The following TIAM1 variants were observed in gnomAD, a reference collection of about 807,000 sequenced individuals.
The protein encoded by TIAM1 is TIAM Rac1 associated GEF 1, also known as rho guanine nucleotide exchange factor TIAM1.
Under a neutral mutation model 163.5 loss-of-function variants are expected in TIAM1, and 65 were observed. The observed-to-expected ratio is 0.40, with a 90% CI of 0.33 to 0.49. The LOEUF is 0.49. Among genes scored for constraint, TIAM1 ranks in the 20% least tolerant of loss-of-function variants. TIAM1 has a pLI of 0.77. For missense variants in TIAM1, 1,789 were observed against 2,044.7 expected (o/e 0.87, Z 2.41); for synonymous variants, 833 against 810.1 (o/e 1.03, Z -0.48).
intron 6 of TIAM1, among the ~76,000 whole-genome samples, chr21:31,228,420 C>A (rs535407290): frequency 6.6e-5 from 10 of 151,926 alleles, no homozygotes; most frequent in African/African-American, 2.2e-4. Context: ...TATATGCATA[C>A]CCTGTGACCC....
chr21:31,407,834 C>T (rs1192953585), intron 2 of TIAM1, among the ~76,000 whole-genome samples: 7 of 151,938 alleles, frequency 4.6e-5, no homozygotes, highest in African/African-American at 1.5e-4. Context: ...GACGGGGTTT[C>T]ACCATGTTGG....
intron 6 of TIAM1, among the ~76,000 whole-genome samples, chr21:31,228,819 G>C (rs2088217963): frequency 6.6e-6 from 1 of 152,206 alleles, no homozygotes; most frequent in Non-Finnish European, 1.5e-5. Flanking sequence ...CAGCATGGCT[G>C]AGGAGGCCTC....
At chr21:31,198,345 C>A (rs2085995862) in intron 12 of TIAM1, among the ~76,000 whole-genome samples, 1 of 152,136 alleles carries the variant, frequency 6.6e-6, no homozygotes, top group South Asian at 2.1e-4. Flanking sequence ...GGGATAGGAA[C>A]GTGGACAGGA....
intron 2 of TIAM1, among the ~76,000 whole-genome samples, chr21:31,418,341 C>CAAAAAAA (rs71193114): frequency 2.9e-5 from 1 of 34,742 alleles, no homozygotes. Context: ...GACTCTGTCT[C>CAAAAAAA]AAAAAAAAAA....
At chr21:31,402,538 C>T (rs978548260) in intron 2 of TIAM1, among the ~76,000 whole-genome samples, 51 of 152,278 alleles carry the variant, frequency 3.3e-4, no homozygotes, top group African/African-American at 1.2e-3. Context: ...TCCCATATCC[C>T]TTCAGTAACA....
chr21:31,465,248 A>G (rs1470609999), intron 1 of TIAM1, among the ~76,000 whole-genome samples: 1 of 151,756 alleles, frequency 6.6e-6, no homozygotes, highest in Non-Finnish European at 1.5e-5. Context: ...TTCTTATTTT[A>G]TTTTATTATT....
intron 5 of TIAM1, 136 bp downstream of exon 5, chr21:31,251,602 GATAA>G: frequency 1.1e-6 from 1 of 892,036 alleles, no homozygotes; most frequent in Non-Finnish European, 1.7e-6. Flanking sequence ...CTCTTACTAT[GATAA>G]ATGTTTTAAA....
intron 5 of TIAM1, among the ~76,000 whole-genome samples, chr21:31,250,604 A>G (rs1018373513): frequency 6.6e-6 from 1 of 152,220 alleles, no homozygotes; most frequent in African/African-American, 2.4e-5. Flanking sequence ...CGAACGGTCT[A>G]GTTTGATACT....
intron 6 of TIAM1, among the ~76,000 whole-genome samples, chr21:31,228,265 GA>G (rs1297409869): frequency 1.0e-3 from 47 of 44,956 alleles, no homozygotes; most frequent in African/African-American, 1.9e-3. Context: ...AAAAAGGAAG[GA>G]AAAAAAGAAT....
intron 8 of TIAM1, among the ~76,000 whole-genome samples, chr21:31,218,080 T>A (rs1032222817): frequency 6.6e-6 from 1 of 152,180 alleles, no homozygotes; most frequent in Non-Finnish European, 1.5e-5. Flanking sequence ...TGCATTCTAT[T>A]GAAAAATGGT....
chr21:31,430,226 ATAT>A (rs1226502355), intron 2 of TIAM1, among the ~76,000 whole-genome samples: 134 of 68,202 alleles, frequency 2.0e-3, no homozygotes, highest in African/African-American at 7.9e-3. Flanking sequence ...AAAAAAAAAA[ATAT>A]ATATATATAT....
At chr21:31,534,902 C>T (rs933722553) in intron 1 of TIAM1, among the ~76,000 whole-genome samples, 3 of 152,060 alleles carry the variant, frequency 2.0e-5, no homozygotes, top group Non-Finnish European at 2.9e-5. Flanking sequence ...CCCAGGAGTT[C>T]GAGAACAGCT....
intron 2 of TIAM1, among the ~76,000 whole-genome samples, chr21:31,365,185 G>T (rs1027999417): frequency 1.3e-5 from 2 of 152,008 alleles, no homozygotes; most frequent in South Asian, 2.1e-4. Context: ...AGTCACTCAG[G>T]ATAGTGATCA....
chr21:31,239,514 T>C (rs143549359), intron 6 of TIAM1, among the ~76,000 whole-genome samples: 143 of 152,256 alleles, frequency 9.4e-4, no homozygotes, highest in African/African-American at 3.3e-3. Flanking sequence ...CTCAAAGCAT[T>C]ACCCATTAAG....
At chr21:31,372,607 G>A (rs898745009) in intron 2 of TIAM1, among the ~76,000 whole-genome samples, 4 of 152,212 alleles carry the variant, frequency 2.6e-5, no homozygotes, top group South Asian at 4.1e-4. Flanking sequence ...AGGGGCAGGC[G>A]AGGGTAGGGG....
chr21:31,145,977 G>T (rs976258029), intron 20 of TIAM1, among the ~76,000 whole-genome samples: 1 of 152,158 alleles, frequency 6.6e-6, no homozygotes, highest in Non-Finnish European at 1.5e-5. Context: ...TGTCGACAAC[G>T]TGAAGTGAGG....
At chr21:31,205,922 T>TA (rs1286826323) in intron 11 of TIAM1, among the ~76,000 whole-genome samples, 1 of 152,106 alleles carries the variant, frequency 6.6e-6, no homozygotes, top group Non-Finnish European at 1.5e-5. Flanking sequence ...GAGCTATGAC[T>TA]ACACCACTGT....
intron 15 of TIAM1, among the ~76,000 whole-genome samples, chr21:31,178,976 C>G (rs1449892579): frequency 6.6e-6 from 1 of 150,844 alleles, no homozygotes; most frequent in Non-Finnish European, 1.5e-5. Context: ...GTCTCGAACT[C>G]CCGACCTCAG....
At position 31,120,640 on chromosome 21, in the gene TIAM1, T is replaced by C; in HGVS notation, c.4504A>G (p.Thr1502Ala). The stretch of plus-strand genomic sequence containing the variant: ...TCATCATCGTCACTGAGGATGTCTG[T>C]CTCCTTGATGTCATCTTGCTCCTCA... ...QYEEQDDIKE[T>A]DILSDDDEFC... Residue 1502 changes from threonine (T) to alanine (A), a missense_variant, in exon 28 of 28, where the codon ACA (threonine) becomes GCA (alanine). Coordinates refer to ENST00000541036, the MANE Select transcript of TIAM1 (RefSeq NM_001353694.2). The surrounding 1 kb of genome is among the most constrained non-coding windows in gnomAD (Gnocchi z 4.2). 6.2e-7 allele frequency: 1 copy of C among 1,614,100 alleles called. No homozygotes were observed. The highest frequency in any genetic ancestry group is 8.5e-7 in the Non-Finnish European group (1 of 1,180,032).
Sources: gnomAD v4.1 joint callset for allele counts (sites outside exome capture counted in the v4.1 genomes callset) on GRCh38, gnomAD v4.1.1 for gene constraint, Gnocchi (gnomAD v3.1) non-coding constraint, MANE v1.5 for transcripts, NCBI Gene and HGNC (gene_info 2026-07-23, HGNC 2026-07-21) for gene names.